AGO2: variants seen among roughly 807,000 people sequenced by gnomAD.
The protein encoded by AGO2 is protein argonaute-2.
Under a neutral mutation model 102.3 loss-of-function variants are expected in AGO2, and 5 were observed. The observed-to-expected ratio is 0.05, with a 90% CI of 0.03 to 0.10. The LOEUF (loss-of-function observed/expected upper bound fraction) is 0.10. AGO2 is among the 10% of genes least tolerant of loss of function. The pLI, the probability that AGO2 is intolerant of heterozygous loss-of-function variation, is 1.00. For missense variants in AGO2, 541 were observed against 1,183.7 expected (o/e 0.46, Z 7.97); for synonymous variants, 449 against 473.1 (o/e 0.95, Z 0.66).
rs1052616198 is a variant in AGO2, at chr8:140,525,461, G to C, written c.*6583C>G. ...GGCCCAAGCCTCTTGAGGTCGGTCC[G>C]CACAGAACAGCGTGGCGGCAGAATT... is the stretch of plus-strand genomic sequence containing the variant. On this transcript the variant is annotated 3_prime_UTR_variant, in exon 19 of 19. Transcript: ENST00000220592. 6.6e-6 allele frequency: 1 copy of C among 152,282 alleles called. No individual in the cohort carries two copies. The highest frequency in any genetic ancestry group is 2.4e-5 in the African/African-American group (1 of 41,458). 9.4% of individuals were successfully genotyped at this position (152,282 alleles called of 1,614,324 possible). A position where few individuals can be genotyped will look rare whatever the true frequency, so the allele number is the denominator to read the frequency against.
rs111669080 is a variant in AGO2, at chr8:140,556,850, G to A, written c.1026+239C>T. ...TCGCGCTGCGGGGCCTGCTGGACAC[G>A]TTACACACAACCTCAGGCAAGGTTC... On this transcript the variant is annotated intron_variant, in intron 8 of 18. Transcript: ENST00000220592. 3.3e-5 allele frequency among the ~76,000 whole-genome samples: 5 copies of A among 152,278 alleles called. 1 individual carries two copies. Among genetic ancestry groups the A allele is most frequent in the African/African-American group, 1.2e-4 (5 of 41,556 alleles).
intron 10 of AGO2, among the ~76,000 whole-genome samples, chr8:140,552,056 T>C (rs2073008648): frequency 6.6e-6 from 1 of 152,200 alleles, no homozygotes. Flanking sequence ...TCCAACCTCA[T>C]GAGCAGCCTG....
chr8:140,573,009 ATTTTTTT>A (rs11293451), intron 2 of AGO2, 77 bp from the exon 3 acceptor site: 1 of 1,252,580 alleles, frequency 8.0e-7, no homozygotes, highest in Non-Finnish European at 1.0e-6. Context: ...TTCTGACGCT[ATTTTTTT>A]TTTTTTTTTT....
chr8:140,585,692 C>T (rs760156976), intron 1 of AGO2, among the ~76,000 whole-genome samples: 1 of 152,128 alleles, frequency 6.6e-6, no homozygotes, highest in African/African-American at 2.4e-5. Flanking sequence ...TATGCATAAG[C>T]GGCAGAAACT....
chr8:140,566,293 A>G (rs61580377), intron 3 of AGO2, among the ~76,000 whole-genome samples: 7,614 of 152,276 alleles, frequency 0.05, 645 homozygotes, highest in African/African-American at 0.17. Context: ...GCCATGTAAG[A>G]AGTGCCTTTT....
intron 10 of AGO2, among the ~76,000 whole-genome samples, chr8:140,553,157 G>A (rs2073031382): frequency 6.6e-6 from 1 of 152,182 alleles, no homozygotes; most frequent in Non-Finnish European, 1.5e-5. Context: ...CAGCTGAGGT[G>A]GGAGGACTGC....
At position 140,612,584 on chromosome 8, in the gene AGO2, A is replaced by T. The variant is rs576224532; in HGVS notation, c.22+22901T>A. 5.9e-5 allele frequency among the ~76,000 whole-genome samples: 9 copies of T among 151,996 alleles called. 1 individual carries two copies. Among genetic ancestry groups the T allele is most frequent in the African/African-American group, 2.2e-4 (9 of 41,480 alleles). Reference sequence around the variant, plus strand: ...GAGACCAGCTTGGCCAACATGGTGAAACCCCATCTCTGCTATAAATATAAA... The same window carrying T: ...GAGACCAGCTTGGCCAACATGGTGATACCCCATCTCTGCTATAAATATAAA... On this transcript the variant is annotated intron_variant, in intron 1 of 18. Transcript: ENST00000220592.
intron 1 of AGO2, among the ~76,000 whole-genome samples, chr8:140,631,738 G>A (rs1279337677): frequency 6.6e-6 from 1 of 152,146 alleles, no homozygotes; most frequent in African/African-American, 2.4e-5. Flanking sequence ...ACTGTTAACT[G>A]TCATAACGGC....
At chr8:140,597,478 C>G (rs1180147604) in intron 1 of AGO2, among the ~76,000 whole-genome samples, 12 of 142,268 alleles carry the variant, frequency 8.4e-5, no homozygotes, top group South Asian at 7.2e-4. Context: ...CCCCCCACCC[C>G]CCCCCCCCCG....
chr8:140,620,379 T>C (rs573801282), intron 1 of AGO2, among the ~76,000 whole-genome samples: 70 of 152,180 alleles, frequency 4.6e-4, no homozygotes, highest in Non-Finnish European at 9.3e-4. Flanking sequence ...CTGGCCACTT[T>C]TCTGTAAGCC....
intron 1 of AGO2, among the ~76,000 whole-genome samples, chr8:140,613,278 T>C (rs2074104254): frequency 6.6e-6 from 1 of 152,226 alleles, no homozygotes; most frequent in Non-Finnish European, 1.5e-5. Context: ...TGATGCTTTC[T>C]ATTAAGGCAG....
intron 4 of AGO2, among the ~76,000 whole-genome samples, chr8:140,561,769 A>T (rs559709265): frequency 6.6e-6 from 1 of 152,284 alleles, no homozygotes; most frequent in East Asian, 1.9e-4. Context: ...GGGGTTTGTC[A>T]CTGTGGGGTT....
rs2072562144 is a variant in AGO2 at position 140,529,996 on chromosome 8, A to G, written c.*2048T>C. On this transcript the variant is annotated 3_prime_UTR_variant, in exon 19 of 19. Transcript: ENST00000220592. Reference sequence around the variant, plus strand: ...TAATTTAAGCTACGAGCATGTCTGTATCCTTCTGAAAACAGGAGAAAGTGC... The same window carrying G: ...TAATTTAAGCTACGAGCATGTCTGTGTCCTTCTGAAAACAGGAGAAAGTGC... The G allele has an allele frequency of 6.6e-6, 1 of 152,186 alleles. No homozygotes were observed. The highest frequency in any genetic ancestry group is 1.5e-5 in the Non-Finnish European group (1 of 68,042). The allele number at this position is 152,186 out of a possible 1,614,324, so 9.4% of individuals were successfully genotyped here. A position where few individuals can be genotyped will look rare whatever the true frequency, so the allele number is the denominator to read the frequency against.
chr8:140,572,774 C>G (rs542221053), intron 3 of AGO2, 38 bp downstream of exon 3: 13 of 1,596,660 alleles, frequency 8.1e-6, no homozygotes, highest in Non-Finnish European at 1.0e-5. Flanking sequence ...TTTACTTCAC[C>G]GTATGTTACT....
chr8:140,557,267 G>A lies in AGO2; in HGVS notation c.879-31C>T. The A allele has an allele frequency of 6.3e-7, 1 of 1,589,478 alleles. No homozygotes were observed. Among genetic ancestry groups the A allele is most frequent in the Non-Finnish European group, 8.6e-7 (1 of 1,166,324 alleles). On this transcript the variant is annotated intron_variant, in intron 7 of 18. Coordinates refer to ENST00000220592, the MANE Select transcript of AGO2 (RefSeq NM_012154.5). The surrounding 1 kb of genome is among the most constrained non-coding windows in gnomAD (Gnocchi z 5.9). ...GAGCAAAGGGGCTGTTCAGGCCGAGGGCATCCCGGAGCCCCTTCCCCTGCG... is the reference window on the plus strand; with the variant it reads ...GAGCAAAGGGGCTGTTCAGGCCGAGAGCATCCCGGAGCCCCTTCCCCTGCG...
chr8:140,566,821 A>C (rs2132959089), intron 3 of AGO2, among the ~76,000 whole-genome samples: 1 of 152,308 alleles, frequency 6.6e-6, no homozygotes, highest in Admixed American at 6.5e-5. Flanking sequence ...ACGGACTGGC[A>C]GCTACTGGGT....
intron 1 of AGO2, among the ~76,000 whole-genome samples, chr8:140,594,036 G>A (rs1365884428): frequency 6.6e-6 from 1 of 152,172 alleles, no homozygotes; most frequent in Non-Finnish European, 1.5e-5. Context: ...CCTGCACTAA[G>A]GGTTTCCTAA....
intron 16 of AGO2, among the ~76,000 whole-genome samples, chr8:140,538,451 G>T (rs2072735472): frequency 6.6e-6 from 1 of 152,196 alleles, no homozygotes; most frequent in South Asian, 2.1e-4. Flanking sequence ...ATCCTACTAG[G>T]AATACGGAAA....
intron 1 of AGO2, among the ~76,000 whole-genome samples, chr8:140,620,326 T>C (rs996187576): frequency 2.0e-5 from 3 of 152,190 alleles, no homozygotes; most frequent in African/African-American, 4.8e-5. Flanking sequence ...TCAGACGAGA[T>C]GATGGCAACA....
Sources: gnomAD v4.1 joint callset for allele counts (sites outside exome capture counted in the v4.1 genomes callset) on GRCh38, gnomAD v4.1.1 for gene constraint, Gnocchi (gnomAD v3.1) non-coding constraint, MANE v1.5 for transcripts, NCBI Gene and HGNC (gene_info 2026-07-23, HGNC 2026-07-21) for gene names.